Variants in ERBB4 observed in about 807,000 individuals in gnomAD.
The protein encoded by ERBB4 is erb-b2 receptor tyrosine kinase 4, also known as receptor tyrosine-protein kinase erbB-4.
ERBB4 carries 42 observed loss-of-function variants against 158.0 expected under a neutral mutation model. The ratio of observed to expected loss-of-function variants is 0.27; its 90% CI spans 0.21 to 0.34. ERBB4 has a LOEUF of 0.34. Among genes scored for constraint, ERBB4 ranks in the 10% least tolerant of loss-of-function variants. The pLI is 1.00. For synonymous variants in ERBB4, 583 were observed against 558.7 expected (o/e 1.04, Z -0.61); for missense variants, 1,333 against 1,624.1 (o/e 0.82, Z 3.08).
chr2:212,329,439 T>C (rs1221552692), intron 1 of ERBB4, among the ~76,000 whole-genome samples: 1 of 152,086 alleles, frequency 6.6e-6, no homozygotes, highest in Non-Finnish European at 1.5e-5. Context: ...AGTTCATTGA[T>C]TACATGGTCA....
At chr2:212,209,936 G>A (rs1295945849) in intron 1 of ERBB4, among the ~76,000 whole-genome samples, 1 of 151,988 alleles carries the variant, frequency 6.6e-6, no homozygotes, top group African/African-American at 2.4e-5. Flanking sequence ...TCACTTGCTT[G>A]ACTGACCTGC....
chr2:211,769,143 A>C (rs955312540), intron 4 of ERBB4, among the ~76,000 whole-genome samples: 1 of 152,180 alleles, frequency 6.6e-6, no homozygotes, highest in African/African-American at 2.4e-5. Flanking sequence ...TCTCTAGGGC[A>C]GGGGCAAAAT....
chr2:211,570,096 C>T (rs1016716918), intron 19 of ERBB4, among the ~76,000 whole-genome samples: 15 of 151,600 alleles, frequency 9.9e-5, no homozygotes, highest in African/African-American at 3.4e-4. Flanking sequence ...TGATTTGATC[C>T]TCCAAAAATT....
At chr2:212,284,688 T>C (rs1341535781) in intron 1 of ERBB4, among the ~76,000 whole-genome samples, 1 of 152,138 alleles carries the variant, frequency 6.6e-6, no homozygotes, top group East Asian at 1.9e-4. Flanking sequence ...TAACCATCAT[T>C]TGCTTGTTGT....
At chr2:212,227,256 A>G (rs950462653) in intron 1 of ERBB4, among the ~76,000 whole-genome samples, 3 of 151,870 alleles carry the variant, frequency 2.0e-5, no homozygotes, top group African/African-American at 7.3e-5. Flanking sequence ...AAAAAAAAAA[A>G]AAAATCATAT....
chr2:212,110,622 G>C (rs2079375813), intron 2 of ERBB4, among the ~76,000 whole-genome samples: 1 of 152,290 alleles, frequency 6.6e-6, no homozygotes, highest in Middle Eastern at 3.4e-3. Flanking sequence ...AATTCAAATG[G>C]GACTTTGCTA....
chr2:212,194,961 T>G (rs1293025801), intron 1 of ERBB4, among the ~76,000 whole-genome samples: 1 of 152,012 alleles, frequency 6.6e-6, no homozygotes, highest in Non-Finnish European at 1.5e-5. Flanking sequence ...TTAATTGGTA[T>G]ATACTGAAGT....
At chr2:211,470,754 A>G (rs1262091080) in intron 20 of ERBB4, among the ~76,000 whole-genome samples, 1 of 152,184 alleles carries the variant, frequency 6.6e-6, no homozygotes, top group African/African-American at 2.4e-5. Context: ...TTAAGCCCCA[A>G]TCTGTATTTC....
intron 1 of ERBB4, among the ~76,000 whole-genome samples, chr2:212,357,218 A>T (rs1407998132): frequency 6.6e-6 from 1 of 151,806 alleles, no homozygotes; most frequent in African/African-American, 2.4e-5. Context: ...GCTTTAAAAT[A>T]AAAAAAGGAT....
At chr2:211,424,904 C>A (rs186361243) in intron 22 of ERBB4, among the ~76,000 whole-genome samples, 1 of 152,106 alleles carries the variant, frequency 6.6e-6, no homozygotes, top group East Asian at 1.9e-4. Context: ...GAAGTAGTCA[C>A]CAACAAAATT....
intron 1 of ERBB4, among the ~76,000 whole-genome samples, chr2:212,128,613 C>T (rs1052873480): frequency 6.6e-6 from 1 of 152,130 alleles, no homozygotes; most frequent in Non-Finnish European, 1.5e-5. Context: ...ATTGGCCCCA[C>T]CTGCTAAAAT....
Position 211,502,081 on chromosome 2 carries a change from T to C in ERBB4, c.2487+59822A>G, listed in dbSNP as rs559819304. Reference sequence around the variant, plus strand: ...TACAGCCAAAGAAATGAGTTCAAAATGGTGGAATATTGGGATATTACAGCA... The same window carrying C: ...TACAGCCAAAGAAATGAGTTCAAAACGGTGGAATATTGGGATATTACAGCA... On this transcript the variant is annotated intron_variant, in intron 20 of 27. Transcript: ENST00000342788. Among the ~76,000 whole-genome samples, 12 of 152,254 alleles carry C rather than the reference T, an allele frequency of 7.9e-5. No individual in the cohort carries two copies. In the South Asian group the frequency reaches 2.5e-3, roughly 32 times the overall value.
chr2:211,461,688 A>G (rs760230368), intron 20 of ERBB4, among the ~76,000 whole-genome samples: 13 of 152,146 alleles, frequency 8.5e-5, no homozygotes, highest in Non-Finnish European at 1.9e-4. Context: ...AGAGAGAGAT[A>G]CACACTACGA....
intron 20 of ERBB4, among the ~76,000 whole-genome samples, chr2:211,448,406 C>T (rs2064163586): frequency 6.6e-6 from 1 of 151,722 alleles, no homozygotes; most frequent in Non-Finnish European, 1.5e-5. Flanking sequence ...TTTGAACAGC[C>T]ATTTATGATT....
chr2:212,538,109 C>A (rs1474605851), intron 1 of ERBB4, among the ~76,000 whole-genome samples: 5 of 152,176 alleles, frequency 3.3e-5, no homozygotes, highest in Non-Finnish European at 7.4e-5. Context: ...ACAGAAGAGT[C>A]TCCTCTGACT....
chr2:212,123,264 G>A (rs1391585156), intron 2 of ERBB4, among the ~76,000 whole-genome samples: 3 of 152,196 alleles, frequency 2.0e-5, no homozygotes, highest in Non-Finnish European at 4.4e-5. Context: ...TTAGCCGGGC[G>A]TGGCGGCATG....
intron 16 of ERBB4, among the ~76,000 whole-genome samples, chr2:211,653,247 A>G (rs1432996205): frequency 6.6e-6 from 1 of 152,198 alleles, no homozygotes; most frequent in Non-Finnish European, 1.5e-5. Flanking sequence ...TTTTCATTAT[A>G]AGCAGCATAT....
intron 3 of ERBB4, among the ~76,000 whole-genome samples, chr2:211,793,126 A>G (rs1022576736): frequency 2.5e-4 from 38 of 151,934 alleles, no homozygotes; most frequent in Non-Finnish European, 4.4e-5. Context: ...ATTTGTAACC[A>G]TTTTGTGAAT....
At chr2:211,858,236 A>G (rs1260088309) in intron 3 of ERBB4, among the ~76,000 whole-genome samples, 2 of 152,206 alleles carry the variant, frequency 1.3e-5, no homozygotes, top group East Asian at 1.9e-4. Flanking sequence ...AAAGGCCTGC[A>G]TAAAGATGAC....
Sources: gnomAD v4.1 joint callset for allele counts (sites outside exome capture counted in the v4.1 genomes callset) on GRCh38, gnomAD v4.1.1 for gene constraint, MANE v1.5 for transcripts, NCBI Gene and HGNC (gene_info 2026-07-23, HGNC 2026-07-21) for gene names.